The following SND1 variants were observed in gnomAD, a reference collection of about 807,000 sequenced individuals.
SND1 encodes staphylococcal nuclease and tudor domain containing 1, also known as staphylococcal nuclease domain-containing protein 1.
In SND1, 38 loss-of-function variants were observed where a neutral mutation model predicts 121.7. The ratio of observed to expected loss-of-function variants is 0.31; its 90% CI spans 0.24 to 0.41. SND1 has a LOEUF of 0.41. SND1 is among the 10% of genes least tolerant of loss of function. The pLI is 1.00. For missense variants in SND1, 868 were observed against 1,184.6 expected, an observed-to-expected ratio of 0.73 and a Z score of 3.92; for synonymous variants, 401 against 447.4, an observed-to-expected ratio of 0.90 and a Z score of 1.31.
intron 2 of SND1, 171 bp downstream of exon 2, chr7:127,686,933 GT>G: frequency 3.0e-6 from 2 of 658,442 alleles, no homozygotes; most frequent in Non-Finnish European, 4.9e-6. Flanking sequence ...TTGTTTATAT[GT>G]TTACTACCTT....
At chr7:127,778,172 TTG>T (rs1797653830) in intron 10 of SND1, among the ~76,000 whole-genome samples, 1 of 144,202 alleles carries the variant, frequency 6.9e-6, no homozygotes, top group Admixed American at 7.2e-5. Context: ...TCCCATTTAT[TTG>T]TGTCTTATTT....
chr7:127,652,893 GT>G (rs1331903489), intron 1 of SND1, among the ~76,000 whole-genome samples: 5 of 152,036 alleles, frequency 3.3e-5, no homozygotes, highest in Non-Finnish European at 7.4e-5. Flanking sequence ...CACAAACGCT[GT>G]TACTTGACTC....
At chr7:127,862,370 G>A (rs531420185) in intron 12 of SND1, among the ~76,000 whole-genome samples, 2 of 152,186 alleles carry the variant, frequency 1.3e-5, no homozygotes, top group East Asian at 1.9e-4. Context: ...CCTGGAATCC[G>A]GTGCCCGGTG....
At chr7:127,858,063 T>C in intron 12 of SND1, 1 of 1,161,592 alleles carries the variant, frequency 8.6e-7, no homozygotes, top group Non-Finnish European at 1.3e-6. Flanking sequence ...GCAACTCTGC[T>C]TCTCCTCTCT....
chr7:127,723,633 G>T (rs930092394), intron 10 of SND1, among the ~76,000 whole-genome samples: 3 of 152,144 alleles, frequency 2.0e-5, no homozygotes, highest in Admixed American at 6.5e-5. Context: ...GCCGGTTTTG[G>T]TGGGTGGTCT....
intron 16 of SND1, among the ~76,000 whole-genome samples, chr7:128,067,625 CCA>C (rs745817989): frequency 6.6e-6 from 1 of 152,130 alleles, no homozygotes; most frequent in Non-Finnish European, 1.5e-5. Context: ...GGAGCATCCT[CCA>C]CAACTGTTTT....
chr7:127,884,326 GA>G (rs1385116120), intron 12 of SND1, among the ~76,000 whole-genome samples: 2 of 151,924 alleles, frequency 1.3e-5, no homozygotes, highest in Non-Finnish European at 2.9e-5. Context: ...TATATCTATT[GA>G]AAACCATGTG....
chr7:127,873,569 G>C (rs905143705), intron 12 of SND1, among the ~76,000 whole-genome samples: 1 of 152,108 alleles, frequency 6.6e-6, no homozygotes, highest in Non-Finnish European at 1.5e-5. Flanking sequence ...CCTGGGCTCC[G>C]GTGTTTCCTA....
At chr7:127,853,184 A>G (rs571303046) in intron 12 of SND1, among the ~76,000 whole-genome samples, 1 of 152,080 alleles carries the variant, frequency 6.6e-6, no homozygotes, top group South Asian at 2.1e-4. Context: ...GAGAGCTTTA[A>G]TGTATTTTCC....
At chr7:127,835,183 A>C (rs1303195626) in intron 11 of SND1, among the ~76,000 whole-genome samples, 1 of 152,186 alleles carries the variant, frequency 6.6e-6, no homozygotes, top group Non-Finnish European at 1.5e-5. Context: ...TATTCTTAGA[A>C]GCCATTAAGC....
intron 12 of SND1, among the ~76,000 whole-genome samples, chr7:127,869,514 T>G (rs1374052022): frequency 3.3e-5 from 5 of 152,198 alleles, no homozygotes; most frequent in African/African-American, 1.2e-4. Flanking sequence ...ATTAATGCTT[T>G]TCTTGTCTCC....
intron 1 of SND1, among the ~76,000 whole-genome samples, chr7:127,660,862 G>GC (rs1224883966): frequency 6.6e-6 from 1 of 152,136 alleles, no homozygotes; most frequent in East Asian, 1.9e-4. Flanking sequence ...ACAGGTCATC[G>GC]CATCAGGACA....
intron 3 of SND1, 151 bp from the exon 4 acceptor site, chr7:127,698,724 A>G: frequency 3.1e-6 from 2 of 638,998 alleles, no homozygotes; most frequent in South Asian, 1.9e-5. Flanking sequence ...AGGTTTTCTG[A>G]AAAACCCAAT....
intron 11 of SND1, among the ~76,000 whole-genome samples, chr7:127,819,623 T>C (rs559760646): frequency 6.6e-6 from 1 of 152,308 alleles, no homozygotes; most frequent in East Asian, 1.9e-4. Context: ...GAAGTGCATC[T>C]AGTCTTTGTT....
chr7:127,784,191 A>C (rs146631891), intron 10 of SND1, among the ~76,000 whole-genome samples: 1 of 152,294 alleles, frequency 6.6e-6, no homozygotes, highest in East Asian at 1.9e-4. Flanking sequence ...TTTTTGGCTC[A>C]CTGTTTCAAG....
At position 127,667,503 on chromosome 7, in the gene SND1, A is replaced by G. The variant is rs532562907; in HGVS notation, c.78+15052A>G. ...GAGGAGAGATGAGATGACAGCAGCC[A>G]TTGTTATTATGGCTAGTAACGCAGT... On this transcript the variant is annotated intron_variant, in intron 1 of 23. Transcript: ENST00000354725. Among the ~76,000 whole-genome samples the G allele has an allele frequency of 1.6e-3, 251 of 152,304 alleles. 1 individual carries two copies. The highest frequency in any genetic ancestry group is 2.5e-3 in the Non-Finnish European group (170 of 68,024).
intron 15 of SND1, chr7:127,949,327 A>G (rs745748540): frequency 3.4e-4 from 52 of 152,208 alleles, no homozygotes; most frequent in Admixed American, 3.0e-3. Flanking sequence ...CTTTATTTGC[A>G]TCAAACTTAA....
intron 10 of SND1, among the ~76,000 whole-genome samples, chr7:127,768,488 A>G (rs1797458019): frequency 6.6e-6 from 1 of 152,158 alleles, no homozygotes; most frequent in South Asian, 2.1e-4. Context: ...ACTTTTATGG[A>G]ACAGAGAGGT....
At chr7:128,063,406 T>C (rs754167135) in intron 16 of SND1, among the ~76,000 whole-genome samples, 6 of 152,156 alleles carry the variant, frequency 3.9e-5, no homozygotes, top group Middle Eastern at 3.2e-3. Context: ...TGAAGCCAGT[T>C]TCTGCCCCTC....
Sources: allele counts gnomAD v4.1 joint callset (sites outside exome capture counted in the v4.1 genomes callset), GRCh38; gene constraint gnomAD v4.1.1; transcripts MANE v1.5; gene names NCBI Gene and HGNC (gene_info 2026-07-23, HGNC 2026-07-21).